PTPRG: variants seen among roughly 807,000 people sequenced by gnomAD.
PTPRG encodes the protein receptor-type tyrosine-protein phosphatase gamma.
Under a neutral mutation model 165.3 loss-of-function variants are expected in PTPRG, and 102 were observed. The ratio of observed to expected loss-of-function variants is 0.62; its 90% CI spans 0.53 to 0.73. PTPRG has a LOEUF of 0.73. PTPRG is among the 30% of genes least tolerant of loss of function. PTPRG has a pLI of 0.00. For missense variants in PTPRG, 1,866 were observed against 1,861.4 expected, an observed-to-expected ratio of 1.00 and a Z score of -0.05; for synonymous variants, 675 against 669.5, an observed-to-expected ratio of 1.01 and a Z score of -0.13.
At chr3:61,711,597 C>T (rs1448116655) in intron 1 of PTPRG, among the ~76,000 whole-genome samples, 4 of 152,114 alleles carry the variant, frequency 2.6e-5, no homozygotes, top group Non-Finnish European at 5.9e-5. Context: ...ATATCCTTCG[C>T]CCACTTTTTA....
chr3:61,726,003 A>G (rs1393098878), intron 1 of PTPRG, among the ~76,000 whole-genome samples: 5 of 152,170 alleles, frequency 3.3e-5, no homozygotes, highest in Non-Finnish European at 5.9e-5. Flanking sequence ...CTGGTATCAA[A>G]TAAGGCACTG....
intron 9 of PTPRG, among the ~76,000 whole-genome samples, chr3:62,191,919 C>A (rs553820659): frequency 6.6e-6 from 1 of 152,376 alleles, no homozygotes; most frequent in African/African-American, 2.4e-5. Context: ...TCCTTTAAAA[C>A]TGACTGCTTT....
chr3:61,646,338 T>G (rs1702200730), intron 1 of PTPRG, among the ~76,000 whole-genome samples: 4 of 152,222 alleles, frequency 2.6e-5, no homozygotes. Context: ...CTCGAACTTC[T>G]GAGCTCAAGT....
chr3:62,063,911 G>A (rs768868886), intron 4 of PTPRG, among the ~76,000 whole-genome samples: 1 of 152,144 alleles, frequency 6.6e-6, no homozygotes, highest in Non-Finnish European at 1.5e-5. Context: ...GTTACAGTGA[G>A]ATCAGGAATA....
intron 2 of PTPRG, among the ~76,000 whole-genome samples, chr3:61,969,653 C>T (rs1414767048): frequency 1.3e-5 from 2 of 152,116 alleles, no homozygotes; most frequent in South Asian, 4.2e-4. Flanking sequence ...AAATAACCTA[C>T]AGACTCGGTC....
At chr3:61,797,984 TAAAG>T (rs1258353269) in intron 2 of PTPRG, among the ~76,000 whole-genome samples, 1 of 152,086 alleles carries the variant, frequency 6.6e-6, no homozygotes, top group Non-Finnish European at 1.5e-5. Flanking sequence ...AGCATAAAAT[TAAAG>T]AAGGCAGAGA....
At chr3:62,014,882 C>G (rs1423406774) in intron 4 of PTPRG, among the ~76,000 whole-genome samples, 3 of 152,232 alleles carry the variant, frequency 2.0e-5, no homozygotes, top group Non-Finnish European at 4.4e-5. Context: ...TCTAAATTAT[C>G]TGCCTAAAAG....
rs1700422108 is a variant in PTPRG at position 62,213,667 on chromosome 3, T to C, written c.2156-5184T>C. 6.6e-6 allele frequency among the ~76,000 whole-genome samples: 1 copy of C among 152,200 alleles called. No individual in the cohort carries two copies. The highest frequency in any genetic ancestry group is 1.5e-5 in the Non-Finnish European group (1 of 68,036). ...CTGGGGTGCAGAATTGCCCATCTTGTGGCACGCTGCAGCTGTTGTACCGAA... is the reference window on the plus strand; with the variant it reads ...CTGGGGTGCAGAATTGCCCATCTTGCGGCACGCTGCAGCTGTTGTACCGAA... On this transcript the variant is annotated intron_variant, in intron 12 of 29. Coordinates refer to ENST00000474889, the MANE Select transcript of PTPRG (RefSeq NM_002841.4). The surrounding 1 kb of genome is among the most constrained non-coding windows in gnomAD (Gnocchi z 4.4).
chr3:61,885,587 A>G, intron 2 of PTPRG, among the ~76,000 whole-genome samples: 1 of 148,530 alleles, frequency 6.7e-6, no homozygotes, highest in Non-Finnish European at 1.5e-5. Flanking sequence ...ATCAATGGTA[A>G]TGCTATATTG....
chr3:61,930,154 C>A (rs1041536704), intron 2 of PTPRG, among the ~76,000 whole-genome samples: 1 of 151,782 alleles, frequency 6.6e-6, no homozygotes, highest in African/African-American at 2.4e-5. Flanking sequence ...GAGCTACCTA[C>A]ACTGTATCTA....
In PTPRG at chr3:61,741,040, A is replaced by C. The variant is rs549414142; in HGVS notation, c.86-7838A>C. Among the ~76,000 whole-genome samples, 5 of 152,310 alleles carry C rather than the reference A, an allele frequency of 3.3e-5. No individual in the cohort carries two copies. In the South Asian group the frequency reaches 1.0e-3, roughly 32 times the overall value. ...ACAAAGGAAATGAGAGGTTGATCAG[A>C]ATATTTAATTACTTTTAACTTAATT... On this transcript the variant is annotated intron_variant, in intron 1 of 29. Coordinates refer to ENST00000474889, the MANE Select transcript of PTPRG (RefSeq NM_002841.4).
chr3:62,232,682 G>A (rs942247034), intron 14 of PTPRG, among the ~76,000 whole-genome samples: 2 of 152,118 alleles, frequency 1.3e-5, no homozygotes, highest in Non-Finnish European at 2.9e-5. Flanking sequence ...CCACGTCAGT[G>A]GGCCCATTAT....
intron 8 of PTPRG, among the ~76,000 whole-genome samples, chr3:62,178,820 C>T (rs1230039623): frequency 1.3e-5 from 2 of 152,230 alleles, no homozygotes; most frequent in African/African-American, 4.8e-5. Flanking sequence ...GCTTTCTTTG[C>T]TCACTAGAAA....
intron 2 of PTPRG, among the ~76,000 whole-genome samples, chr3:61,838,762 TTTC>T (rs1348943061): frequency 1.3e-5 from 2 of 152,232 alleles, no homozygotes; most frequent in Non-Finnish European, 2.9e-5. Context: ...CCCTGAGCTT[TTTC>T]TTCTTCATTT....
intron 5 of PTPRG, among the ~76,000 whole-genome samples, chr3:62,093,067 C>T (rs568242360): frequency 1.2e-4 from 19 of 152,322 alleles, no homozygotes; most frequent in African/African-American, 4.3e-4. Flanking sequence ...TCAGGTTCCA[C>T]CCCTGGGATT....
intron 4 of PTPRG, among the ~76,000 whole-genome samples, chr3:62,065,681 T>C (rs1453750229): frequency 6.6e-6 from 1 of 152,212 alleles, no homozygotes; most frequent in Non-Finnish European, 1.5e-5. Flanking sequence ...ATTTAATGAG[T>C]GCCTACCATG....
At chr3:61,843,511 A>G (rs2036712424) in intron 2 of PTPRG, among the ~76,000 whole-genome samples, 1 of 152,212 alleles carries the variant, frequency 6.6e-6, no homozygotes, top group Admixed American at 6.5e-5. Context: ...TGAAACATTC[A>G]TTGAAAAGTT....
Position 61,706,234 on chromosome 3 carries a change from G to A in PTPRG, c.86-42644G>A, listed in dbSNP as rs544041198. ...GAAAAAAAAAAGAACCTGGGAAAAT[G>A]TACAGAATACAACTGGGAGCCGTCC... On this transcript the variant is annotated intron_variant, in intron 1 of 29. Transcript: ENST00000474889. 1.8e-4 allele frequency among the ~76,000 whole-genome samples: 27 copies of A among 152,160 alleles called. No individual in the cohort carries two copies. In the East Asian group the frequency reaches 3.5e-3, roughly 20 times the overall value.
At chr3:62,227,439 A>T (rs1334485566) in intron 13 of PTPRG, among the ~76,000 whole-genome samples, 1 of 152,252 alleles carries the variant, frequency 6.6e-6, no homozygotes, top group Non-Finnish European at 1.5e-5. Context: ...CTGAATTAAT[A>T]CAAAGAACAC....
Sources: allele counts gnomAD v4.1 joint callset (sites outside exome capture counted in the v4.1 genomes callset), GRCh38; gene constraint gnomAD v4.1.1; non-coding constraint Gnocchi (gnomAD v3.1); transcripts MANE v1.5; gene names NCBI Gene and HGNC (gene_info 2026-07-23, HGNC 2026-07-21).